EPHB2: variants seen among roughly 807,000 people sequenced by gnomAD.
EPHB2 encodes ephrin type-B receptor 2.
EPHB2 carries 18 observed loss-of-function variants against 96.4 expected under a neutral mutation model. The ratio of observed to expected loss-of-function variants is 0.19; its 90% confidence interval spans 0.13 to 0.28. EPHB2 has a LOEUF of 0.28. EPHB2 is among the 10% of genes least tolerant of loss of function. The pLI is 1.00. For missense variants in EPHB2, 989 were observed against 1,355.4 expected (o/e 0.73, Z 4.25); for synonymous variants, 506 against 534.1 (o/e 0.95, Z 0.72).
Position 22,909,126 on chromosome 1 carries a change from G to C in EPHB2, c.2457G>C (p.Val819=). The C allele has an allele frequency of 6.2e-7, 1 of 1,614,230 alleles. No individual in the cohort carries two copies. Among genetic ancestry groups the C allele is most frequent in the South Asian group, 1.1e-5 (1 of 91,084 alleles). Residue 819 remains valine (V), a synonymous_variant, in exon 13 of 16, where the codon GTG becomes GTC. Transcript: ENST00000374630. ...GCTACGGCATTGTCATGTGGGAGGT[G>C]ATGTCCTATGGGGAGCGGCCCTACT... The part of the protein sequence containing the change: ...VWSYGIVMWE[V]MSYGERPYWD...
chr1:22,819,961 T>A (rs1450858955), intron 3 of EPHB2, among the ~76,000 whole-genome samples: 7 of 151,932 alleles, frequency 4.6e-5, no homozygotes, highest in Non-Finnish European at 5.9e-5. Flanking sequence ...ACACCACTCA[T>A]GTATCCTCCA....
At chr1:22,857,206 G>A (rs1055666632) in intron 3 of EPHB2, among the ~76,000 whole-genome samples, 2 of 152,266 alleles carry the variant, frequency 1.3e-5, no homozygotes, top group Non-Finnish European at 1.5e-5. Context: ...CTTGGCATTT[G>A]CTCTGGTGGG....
Position 22,919,833 on chromosome 1 carries a change from CA to C in EPHB2, c.*6264del, listed in dbSNP as rs1333482026. ...CCAAGATTCTAGGATTGCAAAACCC[CA>C]TCATTCTAAGATTCCAATGGAATGA... On this transcript the variant is annotated 3_prime_UTR_variant, in exon 16 of 16. Coordinates refer to ENST00000374630, the MANE Select transcript of EPHB2 (RefSeq NM_017449.5). 4 of 152,166 alleles carry C rather than the reference CA, an allele frequency of 2.6e-5. No homozygotes were observed. Among genetic ancestry groups the C allele is most frequent in the Non-Finnish European group, 5.9e-5 (4 of 68,022 alleles). 9.4% of individuals were successfully genotyped at this position (152,166 alleles called of 1,614,324 possible).
chr1:22,886,441 A>G (rs1240872202), intron 6 of EPHB2, among the ~76,000 whole-genome samples: 3 of 152,034 alleles, frequency 2.0e-5, no homozygotes, highest in Non-Finnish European at 2.9e-5. Flanking sequence ...GAATTATGCA[A>G]TCTGACTCAG....
At chr1:22,834,929 A>C (rs927701390) in intron 3 of EPHB2, among the ~76,000 whole-genome samples, 2 of 152,142 alleles carry the variant, frequency 1.3e-5, no homozygotes. Context: ...TGTCTCAAAA[A>C]AATAAAAAAA....
At chr1:22,894,375 A>G (rs756855991) in intron 7 of EPHB2, among the ~76,000 whole-genome samples, 2 of 152,150 alleles carry the variant, frequency 1.3e-5, no homozygotes, top group African/African-American at 4.8e-5. Flanking sequence ...AGGCGGGTGG[A>G]TCACCTGAGG....
intron 3 of EPHB2, among the ~76,000 whole-genome samples, chr1:22,798,682 C>T (rs1459806405): frequency 6.6e-6 from 1 of 152,030 alleles, no homozygotes; most frequent in Non-Finnish European, 1.5e-5. Flanking sequence ...GAGAGCTCCC[C>T]GCCCTGCCAC....
chr1:22,872,228 G>C (rs1237373648), intron 5 of EPHB2, among the ~76,000 whole-genome samples: 1 of 152,066 alleles, frequency 6.6e-6, no homozygotes, highest in African/African-American at 2.4e-5. Flanking sequence ...GCCTCTCTTG[G>C]GTCCTTCCAC....
At chr1:22,741,589 C>T (rs901170307) in intron 1 of EPHB2, among the ~76,000 whole-genome samples, 2 of 150,150 alleles carry the variant, frequency 1.3e-5, no homozygotes, top group Non-Finnish European at 3.0e-5. Context: ...TGTAGCCCAT[C>T]TATTCCTCCT....
chr1:22,776,174 C>G (rs1644448808), intron 1 of EPHB2, among the ~76,000 whole-genome samples: 1 of 152,224 alleles, frequency 6.6e-6, no homozygotes, highest in Non-Finnish European at 1.5e-5. Flanking sequence ...TCAGCCAGCG[C>G]TTGATTCCCA....
At chr1:22,753,709 C>T (rs1229495566) in intron 1 of EPHB2, among the ~76,000 whole-genome samples, 1 of 152,126 alleles carries the variant, frequency 6.6e-6, no homozygotes, top group Non-Finnish European at 1.5e-5. Context: ...CCCCTGGGGA[C>T]AGTTTGTCGG....
intron 3 of EPHB2, among the ~76,000 whole-genome samples, chr1:22,822,809 C>G (rs1645170511): frequency 6.6e-6 from 1 of 152,218 alleles, no homozygotes; most frequent in Non-Finnish European, 1.5e-5. Context: ...ACAGGGGTCT[C>G]CACTCCCTGC....
chr1:22,722,240 A>G (rs1364446357), intron 1 of EPHB2, among the ~76,000 whole-genome samples: 2 of 151,816 alleles, frequency 1.3e-5, no homozygotes, highest in Non-Finnish European at 2.9e-5. Flanking sequence ...CAAGTGATCC[A>G]CCTGCCTCAG....
intron 3 of EPHB2, among the ~76,000 whole-genome samples, chr1:22,794,079 C>T (rs942745358): frequency 1.3e-5 from 2 of 152,164 alleles, no homozygotes; most frequent in South Asian, 4.1e-4. Flanking sequence ...CCTCAGTTTG[C>T]TTACCTGGGA....
chr1:22,824,688 A>T (rs1173680461), intron 3 of EPHB2, among the ~76,000 whole-genome samples: 7 of 152,276 alleles, frequency 4.6e-5, no homozygotes, highest in Non-Finnish European at 7.3e-5. Context: ...GCTGACATTA[A>T]TGAACAGCTA....
chr1:22,909,268 G>A, intron 13 of EPHB2, 97 bp downstream of exon 13: 1 of 1,586,504 alleles, frequency 6.3e-7, no homozygotes, highest in Non-Finnish European at 8.6e-7. Context: ...CCAGAGTGTG[G>A]GACATAGGCT....
At chr1:22,739,687 A>ATCCCAGTCTGAGCATTTCTGGGG (rs1643880481) in intron 1 of EPHB2, among the ~76,000 whole-genome samples, 1 of 152,210 alleles carries the variant, frequency 6.6e-6, no homozygotes, top group Non-Finnish European at 1.5e-5. Context: ...GATCAGACCC[A>ATCCCAGTCTGAGCATTTCTGGGG]TCCCAGTCTG....
At chr1:22,898,134 A>AT (rs1639628379) in intron 9 of EPHB2, among the ~76,000 whole-genome samples, 1 of 150,938 alleles carries the variant, frequency 6.6e-6, no homozygotes. Context: ...AAAAAAAAAA[A>AT]CAAAAGAAAA....
chr1:22,863,229 G>A (rs768789658), intron 4 of EPHB2, 37 bp downstream of exon 4: 8 of 1,613,680 alleles, frequency 5.0e-6, no homozygotes, highest in South Asian at 3.3e-5. Flanking sequence ...ATGGCTGGCC[G>A]AGTCCCAGGT....
Sources: allele counts gnomAD v4.1 joint callset (sites outside exome capture counted in the v4.1 genomes callset), GRCh38; gene constraint gnomAD v4.1.1; transcripts MANE v1.5; gene names NCBI Gene and HGNC (gene_info 2026-07-23, HGNC 2026-07-21).